Variants in ALK observed in about 807,000 individuals in gnomAD.
ALK encodes ALK tyrosine kinase receptor.
ALK carries 74 observed loss-of-function variants against 163.1 expected under a neutral mutation model. The observed-to-expected ratio is 0.45, with a 90% CI of 0.38 to 0.55. The LOEUF (loss-of-function observed/expected upper bound fraction) is 0.55, where lower values mean the gene tolerates loss of function less well. Ranked by LOEUF, ALK falls within the 20% of genes least tolerant of loss-of-function variation. The probability of loss-of-function intolerance (pLI) is 0.00; values close to 1 mark genes in which losing one functional copy is unlikely to be tolerated. For missense variants in ALK, 2,063 were observed against 2,105.3 expected (o/e 0.98, Z 0.39); for synonymous variants, 960 against 843.2 (o/e 1.14, Z -2.40).
At chr2:29,217,081 TAA>T (rs1669644309) in intron 23 of ALK, among the ~76,000 whole-genome samples, 1 of 144,354 alleles carries the variant, frequency 6.9e-6, no homozygotes, top group Admixed American at 6.9e-5. Context: ...GTAGTGTATG[TAA>T]GTGGTATATG....
intron 1 of ALK, among the ~76,000 whole-genome samples, chr2:29,804,623 T>C (rs1664563160): frequency 6.6e-6 from 1 of 152,350 alleles, no homozygotes; most frequent in South Asian, 2.1e-4. Flanking sequence ...TGCCTTCCAT[T>C]GTCTGCGTTG....
At chr2:29,403,564 T>C (rs1034859850) in intron 4 of ALK, among the ~76,000 whole-genome samples, 1 of 151,974 alleles carries the variant, frequency 6.6e-6, no homozygotes, top group African/African-American at 2.4e-5. Context: ...TTAATCTTTT[T>C]AAATTAAAAC....
intron 4 of ALK, among the ~76,000 whole-genome samples, chr2:29,475,457 T>TC: frequency 6.6e-6 from 1 of 151,602 alleles, no homozygotes. Context: ...TTTCCCAGAA[T>TC]CCCTCCCTCC....
At chr2:29,479,117 T>A (rs777370666) in intron 4 of ALK, among the ~76,000 whole-genome samples, 39 of 152,100 alleles carry the variant, frequency 2.6e-4, no homozygotes, top group Non-Finnish European at 4.3e-4. Context: ...AAAGGGAGTG[T>A]GTTAGAGAGA....
intron 24 of ALK, among the ~76,000 whole-genome samples, chr2:29,212,115 AC>A (rs549790475): frequency 1.4e-3 from 209 of 152,344 alleles, no homozygotes; most frequent in East Asian, 4.8e-3. Context: ...GAGATAAAAA[AC>A]AAAAGACAAG....
chr2:29,832,418 C>T (rs191218566), intron 1 of ALK, among the ~76,000 whole-genome samples: 1 of 152,210 alleles, frequency 6.6e-6, no homozygotes, highest in East Asian at 1.9e-4. Context: ...TTCAAAGGGG[C>T]AAACCGATGC....
At chr2:29,818,164 G>A (rs1453654482) in intron 1 of ALK, among the ~76,000 whole-genome samples, 1 of 152,110 alleles carries the variant, frequency 6.6e-6, no homozygotes, top group Non-Finnish European at 1.5e-5. Context: ...CCAGAGTTGT[G>A]AATTTATAAA....
At chr2:29,457,442 C>T (rs1235515242) in intron 4 of ALK, among the ~76,000 whole-genome samples, 1 of 152,134 alleles carries the variant, frequency 6.6e-6, no homozygotes, top group Non-Finnish European at 1.5e-5. Context: ...TCTAAGGCTT[C>T]TTCCAGATCA....
chr2:29,692,119 T>C (rs1678416750), intron 3 of ALK, among the ~76,000 whole-genome samples: 1 of 152,100 alleles, frequency 6.6e-6, no homozygotes, highest in Non-Finnish European at 1.5e-5. Context: ...AAGAAACTTA[T>C]GAAAAATGAA....
intron 1 of ALK, among the ~76,000 whole-genome samples, chr2:29,771,806 T>C (rs1046427192): frequency 2.0e-5 from 3 of 151,670 alleles, no homozygotes; most frequent in African/African-American, 7.3e-5. Flanking sequence ...AGTGCTGGGA[T>C]TACAGGCATG....
At chr2:29,770,047 G>T (rs72786257) in intron 1 of ALK, among the ~76,000 whole-genome samples, 4,695 of 152,288 alleles carry the variant, frequency 0.031, 94 homozygotes, top group East Asian at 0.1. Context: ...GAAGCAGCTG[G>T]ATCCACAAAT....
intron 3 of ALK, among the ~76,000 whole-genome samples, chr2:29,675,140 G>A (rs916230709): frequency 1.3e-5 from 2 of 151,752 alleles, no homozygotes; most frequent in African/African-American, 4.8e-5. Flanking sequence ...CCAAAATGAG[G>A]CTATAATATG....
In ALK at chr2:29,702,589, G is replaced by T. The variant is rs115845544; in HGVS notation, c.788-7575C>A. Among the ~76,000 whole-genome samples, 617 of 152,304 alleles carry T rather than the reference G, an allele frequency of 4.1e-3. 3 individuals are homozygous for T. The highest frequency in any genetic ancestry group is 5.8e-3 in the Non-Finnish European group (392 of 68,014). Reference sequence around the variant, plus strand: ...AAGTTCCCTTCTAGGTTTCTTGATTGTATTAGTCTGTTCTCATGCTGCTAA... The same window carrying T: ...AAGTTCCCTTCTAGGTTTCTTGATTTTATTAGTCTGTTCTCATGCTGCTAA... On this transcript the variant is annotated intron_variant, in intron 2 of 28. Transcript: ENST00000389048.
rs935955838 is a variant in ALK, at chr2:29,920,987, A to G, written c.-328T>C. 8 of 378,760 alleles carry G rather than the reference A, an allele frequency of 2.1e-5. No individual in the cohort carries two copies. Among genetic ancestry groups the G allele is most frequent in the East Asian group, 1.3e-4 (3 of 23,586 alleles). The allele number at this position is 378,760 out of a possible 1,614,324, so 23.5% of individuals were successfully genotyped here. A position where few individuals can be genotyped will look rare whatever the true frequency, so the allele number is the denominator to read the frequency against. On this transcript the variant is annotated 5_prime_UTR_variant, in exon 1 of 29. Transcript: ENST00000389048. Reference sequence around the variant, plus strand: ...AGCTCGCTGCGCTCGGTACAGAGGAACTACTATGGTTGAAGGGAGGTGGCA... The same window carrying G: ...AGCTCGCTGCGCTCGGTACAGAGGAGCTACTATGGTTGAAGGGAGGTGGCA...
chr2:29,197,745 G>A (rs1669060736), intron 26 of ALK, 69 bp from the exon 27 acceptor site: 1 of 1,239,170 alleles, frequency 8.1e-7, no homozygotes, highest in Non-Finnish European at 1.2e-6. Context: ...ACACACACAG[G>A]CACACAGACA....
rs375495286 is a variant in ALK at position 29,403,423 on chromosome 2, C to A, written c.1155-19564G>T. 2.8e-4 allele frequency among the ~76,000 whole-genome samples: 42 copies of A among 152,286 alleles called. No homozygotes were observed. In the South Asian group the frequency reaches 5.8e-3, roughly 21 times the overall value. Reference sequence around the variant, plus strand: ...GTGTCTGTTCCATTCCTCTACCCTACTAAGCTCATGACGCTCCTGAAGAGG... The same window carrying A: ...GTGTCTGTTCCATTCCTCTACCCTAATAAGCTCATGACGCTCCTGAAGAGG... On this transcript the variant is annotated intron_variant, in intron 4 of 28. Transcript: ENST00000389048.
intron 3 of ALK, among the ~76,000 whole-genome samples, chr2:29,662,566 C>T (rs1677382166): frequency 6.6e-6 from 1 of 152,104 alleles, no homozygotes; most frequent in African/African-American, 2.4e-5. Flanking sequence ...GAATTTACAT[C>T]GAGGAATATA....
At chr2:29,811,255 A>G (rs930924354) in intron 1 of ALK, among the ~76,000 whole-genome samples, 3 of 152,102 alleles carry the variant, frequency 2.0e-5, no homozygotes, top group Admixed American at 2.0e-4. Context: ...GAAACTGAAG[A>G]GCACAAGAAA....
At chr2:29,358,696 G>T (rs769872450) in intron 5 of ALK, among the ~76,000 whole-genome samples, 2 of 152,126 alleles carry the variant, frequency 1.3e-5, no homozygotes, top group Non-Finnish European at 2.9e-5. Context: ...CATCTCATCT[G>T]CACCTCCAGA....
Sources: allele counts gnomAD v4.1 joint callset (sites outside exome capture counted in the v4.1 genomes callset), GRCh38; gene constraint gnomAD v4.1.1; transcripts MANE v1.5; gene names NCBI Gene and HGNC (gene_info 2026-07-23, HGNC 2026-07-21).